The following CLVS1 variants were observed in gnomAD, a reference collection of about 807,000 sequenced individuals.
The protein encoded by CLVS1 is clavesin-1.
In CLVS1, 10 loss-of-function variants were observed where a neutral mutation model predicts 33.1. The observed-to-expected ratio is 0.30, with a 90% CI of 0.19 to 0.51. The LOEUF (loss-of-function observed/expected upper bound fraction) is 0.51. CLVS1 is among the 20% of genes least tolerant of loss of function. CLVS1 has a pLI of 0.97. For missense variants in CLVS1, 343 were observed against 433.4 expected, an observed-to-expected ratio of 0.79 and a Z score of 1.85; for synonymous variants, 163 against 166.1, an observed-to-expected ratio of 0.98 and a Z score of 0.14.
At chr8:61,483,297 G>C (rs998820234) in intron 5 of CLVS1, among the ~76,000 whole-genome samples, 6 of 152,190 alleles carry the variant, frequency 3.9e-5, no homozygotes, top group Non-Finnish European at 7.3e-5. Context: ...ATTACCATCA[G>C]AGAATACTAT....
At chr8:61,403,992 G>C (rs1814877799) in intron 3 of CLVS1, among the ~76,000 whole-genome samples, 1 of 152,206 alleles carries the variant, frequency 6.6e-6, no homozygotes, top group African/African-American at 2.4e-5. Flanking sequence ...GAGAATTCCA[G>C]ACATAATGAA....
intron 1 of CLVS1, among the ~76,000 whole-genome samples, chr8:61,097,086 C>A (rs745690070): frequency 2.6e-5 from 4 of 151,976 alleles, no homozygotes; most frequent in Non-Finnish European, 5.9e-5. Context: ...ATAGGCTGGG[C>A]GTGGTGGCTC....
intron 4 of CLVS1, among the ~76,000 whole-genome samples, chr8:61,456,302 A>T: frequency 6.6e-6 from 1 of 152,078 alleles, no homozygotes; most frequent in East Asian, 1.9e-4. Context: ...AGGGGTACAA[A>T]TGTTTTCTCT....
At chr8:61,411,045 T>G (rs1222466362) in intron 3 of CLVS1, among the ~76,000 whole-genome samples, 1 of 152,174 alleles carries the variant, frequency 6.6e-6, no homozygotes, top group Non-Finnish European at 1.5e-5. Context: ...GCAGTGCTTT[T>G]TAAAGCTTCC....
intron 1 of CLVS1, among the ~76,000 whole-genome samples, chr8:61,091,885 G>T (rs1267114090): frequency 6.6e-6 from 1 of 152,164 alleles, no homozygotes; most frequent in Admixed American, 6.5e-5. Context: ...AACTTGTGAG[G>T]TGTGTCTTTG....
At chr8:61,150,118 G>A (rs1585645389) in intron 2 of CLVS1, among the ~76,000 whole-genome samples, 1 of 152,078 alleles carries the variant, frequency 6.6e-6, no homozygotes, top group East Asian at 1.9e-4. Flanking sequence ...GTGTGTGTGT[G>A]TGTGTGTGTG....
rs561506889 is a variant in CLVS1 at position 61,250,738 on chromosome 8, G to T, written c.-151-48939G>T. The stretch of plus-strand genomic sequence containing the variant: ...CTGTTTGTCTGTTATTGGTGTAAAG[G>T]AATGCATGTGATTTTTGCACATTGA... On this transcript the variant is annotated intron_variant, in intron 2 of 2. Coordinates refer to the CLVS1 transcript ENST00000522621. 5.3e-5 allele frequency among the ~76,000 whole-genome samples: 8 copies of T among 152,284 alleles called. No individual in the cohort carries two copies. The East Asian group carries it at 1.5e-3, about 29-fold the overall frequency.
chr8:61,112,064 T>A (rs890414738), intron 1 of CLVS1, among the ~76,000 whole-genome samples: 1 of 152,178 alleles, frequency 6.6e-6, no homozygotes, highest in Non-Finnish European at 1.5e-5. Context: ...TAACTAAAGT[T>A]GTGAATAAGA....
Position 61,290,262 on chromosome 8 carries a change from A to G in CLVS1, c.-152+2124A>G, listed in dbSNP as rs149465447. Among the ~76,000 whole-genome samples, 104 of 152,316 alleles carry G rather than the reference A, an allele frequency of 6.8e-4. 1 individual carries two copies. The highest frequency in any genetic ancestry group is 1.2e-3 in the Non-Finnish European group (85 of 68,010). On this transcript the variant is annotated intron_variant, in intron 1 of 5. Coordinates refer to ENST00000325897, the MANE Select transcript of CLVS1 (RefSeq NM_173519.3). Reference sequence around the variant, plus strand: ...GATTTACAGGCATCTGTCTGTAAGCAATGACTTTTCTTGACTGAAATGTTA... The same window carrying G: ...GATTTACAGGCATCTGTCTGTAAGCGATGACTTTTCTTGACTGAAATGTTA...
chr8:61,093,997 C>T (rs1263815120), intron 1 of CLVS1, among the ~76,000 whole-genome samples: 3 of 152,228 alleles, frequency 2.0e-5, no homozygotes, highest in Non-Finnish European at 4.4e-5. Flanking sequence ...GTCATTTGGC[C>T]TGGCTTATTC....
chr8:61,309,222 T>C (rs1434905416), intron 2 of CLVS1, among the ~76,000 whole-genome samples: 1 of 152,206 alleles, frequency 6.6e-6, no homozygotes, highest in Non-Finnish European at 1.5e-5. Flanking sequence ...GGAGAGGGAC[T>C]TGTTGGTTCA....
At chr8:61,496,904 A>G (rs1008463757) in intron 5 of CLVS1, among the ~76,000 whole-genome samples, 2 of 152,132 alleles carry the variant, frequency 1.3e-5, no homozygotes, top group African/African-American at 4.8e-5. Context: ...TCCACTTTCT[A>G]TTTGTGTTGC....
intron 5 of CLVS1, 100 bp downstream of exon 5, chr8:61,458,642 G>C (rs1027384880): frequency 3.9e-6 from 3 of 760,362 alleles, no homozygotes; most frequent in East Asian, 5.5e-5. Context: ...TTTATGGGCA[G>C]AGAACTTGAA....
chr8:61,439,367 A>G (rs1314556289), intron 3 of CLVS1, among the ~76,000 whole-genome samples: 1 of 152,204 alleles, frequency 6.6e-6, no homozygotes, highest in Non-Finnish European at 1.5e-5. Flanking sequence ...ACCCTTTTTA[A>G]GGTCACTGTG....
At chr8:61,327,501 A>C (rs1811427312) in intron 2 of CLVS1, among the ~76,000 whole-genome samples, 1 of 152,212 alleles carries the variant, frequency 6.6e-6, no homozygotes, top group East Asian at 1.9e-4. Flanking sequence ...CTTTCCCGTC[A>C]CTAGTTCAGA....
intron 2 of CLVS1, among the ~76,000 whole-genome samples, chr8:61,251,604 C>A (rs532515713): frequency 2.0e-5 from 3 of 152,204 alleles, no homozygotes; most frequent in Admixed American, 1.3e-4. Flanking sequence ...TGTTATAGGT[C>A]TATTCAGGAA....
chr8:61,189,033 A>G (rs899976604), intron 2 of CLVS1, among the ~76,000 whole-genome samples: 1 of 152,232 alleles, frequency 6.6e-6, no homozygotes, highest in Non-Finnish European at 1.5e-5. Context: ...ACAAAGAAAC[A>G]TACTCCTCGA....
At chr8:61,396,453 G>C (rs1814531205) in intron 3 of CLVS1, among the ~76,000 whole-genome samples, 1 of 79,766 alleles carries the variant, frequency 1.3e-5, no homozygotes. Context: ...TTCATCTTTT[G>C]GTGTATTTTT....
intron 2 of CLVS1, among the ~76,000 whole-genome samples, chr8:61,311,912 A>C (rs1466765701): frequency 1.3e-5 from 2 of 152,218 alleles, no homozygotes; most frequent in Admixed American, 6.5e-5. Flanking sequence ...GCTCTTCCAA[A>C]GGTCAGTGTC....
Sources: gnomAD v4.1 joint callset for allele counts (sites outside exome capture counted in the v4.1 genomes callset) on GRCh38, gnomAD v4.1.1 for gene constraint, MANE v1.5 for transcripts, NCBI Gene and HGNC (gene_info 2026-07-23, HGNC 2026-07-21) for gene names.